Variants in TXLNB observed in about 807,000 individuals in gnomAD.
The protein encoded by TXLNB is taxilin beta, also known as beta-taxilin.
In TXLNB, 37 loss-of-function variants were observed where a neutral mutation model predicts 57.4. The observed-to-expected ratio is 0.64, with a 90% confidence interval of 0.50 to 0.85. The LOEUF (loss-of-function observed/expected upper bound fraction) is 0.85. Ranked by LOEUF, TXLNB falls within the 40% of genes least tolerant of loss-of-function variation. The pLI, the probability that TXLNB is intolerant of heterozygous loss-of-function variation, is 0.00. For missense variants in TXLNB, 848 were observed against 825.6 expected (o/e 1.03, Z -0.33); for synonymous variants, 302 against 309.6 (o/e 0.98, Z 0.26).
At chr6:139,205,967 C>T in the TXLNB span, among the ~76,000 whole-genome samples, 1 of 152,224 alleles carries the variant, frequency 6.6e-6, no homozygotes, top group Admixed American at 6.5e-5. Flanking sequence ...ATCAGATTAA[C>T]AGCAGATTCC....
chr6:139,233,260 A>G, the TXLNB span, among the ~76,000 whole-genome samples: 3 of 150,956 alleles, frequency 2.0e-5, no homozygotes, highest in Non-Finnish European at 4.4e-5. Context: ...GTTAAATTAG[A>G]GTGATATAAT....
At chr6:139,202,051 AATG>A in the TXLNB span, among the ~76,000 whole-genome samples, 1 of 152,252 alleles carries the variant, frequency 6.6e-6, no homozygotes, top group Non-Finnish European at 1.5e-5. Context: ...TTTTGATTGA[AATG>A]ATGCCATATG....
At chr6:139,290,162 G>A (rs1446290955) in intron 1 of TXLNB, among the ~76,000 whole-genome samples, 1 of 152,122 alleles carries the variant, frequency 6.6e-6, no homozygotes, top group African/African-American at 2.4e-5. Flanking sequence ...CGAGGCGGGT[G>A]GATCCTTGAG....
At chr6:139,195,931 C>G in the TXLNB span, among the ~76,000 whole-genome samples, 2 of 151,982 alleles carry the variant, frequency 1.3e-5, no homozygotes. Context: ...ATCATGTTCT[C>G]TAAAAATCCA....
At chr6:139,254,451 T>C (rs1776284553) in intron 7 of TXLNB, among the ~76,000 whole-genome samples, 1 of 152,192 alleles carries the variant, frequency 6.6e-6, no homozygotes, top group Non-Finnish European at 1.5e-5. Flanking sequence ...AATTTCTCCC[T>C]GTGACCTCAC....
chr6:139,260,654 A>T (rs992496112), intron 5 of TXLNB, among the ~76,000 whole-genome samples: 6 of 152,152 alleles, frequency 3.9e-5, no homozygotes, highest in Non-Finnish European at 8.8e-5. Context: ...CTAGCTATAA[A>T]AGGTAGAGGC....
At chr6:139,297,798 A>G in the TXLNB span, among the ~76,000 whole-genome samples, 2 of 152,192 alleles carry the variant, frequency 1.3e-5, no homozygotes, top group African/African-American at 4.8e-5. Flanking sequence ...TACACCAATA[A>G]CATTTTCAAA....
At chr6:139,198,871 T>TGACC in the TXLNB span, among the ~76,000 whole-genome samples, 1 of 152,176 alleles carries the variant, frequency 6.6e-6, no homozygotes, top group African/African-American at 2.4e-5. Flanking sequence ...TCATCATTCC[T>TGACC]CTTTGTTTCC....
At chr6:139,171,236 A>G in the TXLNB span, among the ~76,000 whole-genome samples, 1 of 152,186 alleles carries the variant, frequency 6.6e-6, no homozygotes, top group Non-Finnish European at 1.5e-5. Flanking sequence ...AAAGAGAAAA[A>G]AAAGGAAGGA....
At chr6:139,250,772 C>T (rs2114461837) in intron 7 of TXLNB, among the ~76,000 whole-genome samples, 1 of 152,266 alleles carries the variant, frequency 6.6e-6, no homozygotes, top group Non-Finnish European at 1.5e-5. Context: ...GAGCACATGT[C>T]TGGTCCATCT....
chr6:139,323,623 CAT>C, the TXLNB span, among the ~76,000 whole-genome samples: 5 of 152,140 alleles, frequency 3.3e-5, no homozygotes, highest in Non-Finnish European at 7.4e-5. Flanking sequence ...AATAAAGAAA[CAT>C]GTGGACCTGG....
intron 3 of TXLNB, 131 bp downstream of exon 3, chr6:139,276,699 G>T (rs1776904456): frequency 7.3e-6 from 5 of 686,776 alleles, no homozygotes; most frequent in Non-Finnish European, 1.2e-5. Flanking sequence ...AATCTGCAGG[G>T]TTAGCGCACA....
At chr6:139,210,772 C>T in the TXLNB span, among the ~76,000 whole-genome samples, 1 of 152,178 alleles carries the variant, frequency 6.6e-6, no homozygotes, top group African/African-American at 2.4e-5. Flanking sequence ...AAAATCGGGT[C>T]ACTCCCACCC....
upstream of TXLNB, among the ~76,000 whole-genome samples, chr6:139,292,417 T>C (rs967786708): frequency 6.6e-6 from 1 of 152,320 alleles, no homozygotes; most frequent in South Asian, 2.1e-4. The surrounding 1 kb of genome is among the most constrained non-coding windows in gnomAD (Gnocchi z 4.0). Context: ...AGATTCATCT[T>C]CTTTTTCTTC....
At chr6:139,315,936 GA>G in the TXLNB span, among the ~76,000 whole-genome samples, 1 of 151,924 alleles carries the variant, frequency 6.6e-6, no homozygotes, top group African/African-American at 2.4e-5. Flanking sequence ...AAGCCAAAAA[GA>G]TACAGAATTT....
chr6:139,285,521 C>T lies in TXLNB; in HGVS notation c.424+2955G>A, dbSNP rs1403075017. On this transcript the variant is annotated intron_variant, in intron 2 of 9. Transcript: ENST00000358430. ...CAATTTTATTATGTTTTTCCATGTTCCAAAACACTAGAGTGATTCCAACCC... is the reference window on the plus strand; with the variant it reads ...CAATTTTATTATGTTTTTCCATGTTTCAAAACACTAGAGTGATTCCAACCC... 1.4e-5 allele frequency among the ~76,000 whole-genome samples: 2 copies of T among 144,102 alleles called. 1 individual carries two copies. Among genetic ancestry groups the T allele is most frequent in the Non-Finnish European group, 3.1e-5 (2 of 64,962 alleles). The allele number at this position is 144,102 out of a possible 152,430, so 94.5% of individuals were successfully genotyped here. A position where few individuals can be genotyped will look rare whatever the true frequency, so the allele number is the denominator to read the frequency against.
chr6:139,180,661 C>T, the TXLNB span: 1 of 152,536 alleles, frequency 6.6e-6, no homozygotes, highest in Non-Finnish European at 1.5e-5. Context: ...TCTTGGATTG[C>T]ACTTTTGTTG....
intron 1 of TXLNB, among the ~76,000 whole-genome samples, chr6:139,290,984 G>A (rs1399685036): frequency 6.6e-6 from 1 of 152,198 alleles, no homozygotes; most frequent in Non-Finnish European, 1.5e-5. Flanking sequence ...TCATAACTTA[G>A]AGGAAGTACT....
At chr6:139,295,684 G>A (rs1777377138), upstream of TXLNB, among the ~76,000 whole-genome samples, 1 of 152,122 alleles carries the variant, frequency 6.6e-6, no homozygotes, top group South Asian at 2.1e-4. Flanking sequence ...GATAGATGAA[G>A]ATTTTCATTG....
Sources: gnomAD v4.1 joint callset for allele counts (sites outside exome capture counted in the v4.1 genomes callset) on GRCh38, gnomAD v4.1.1 for gene constraint, Gnocchi (gnomAD v3.1) non-coding constraint, MANE v1.5 for transcripts, NCBI Gene and HGNC (gene_info 2026-07-23, HGNC 2026-07-21) for gene names.